Variants in TPH2 observed in about 807,000 individuals in gnomAD.
TPH2 encodes the protein tryptophan 5-hydroxylase 2.
TPH2 carries 27 observed loss-of-function variants against 59.1 expected under a neutral mutation model. The ratio of observed to expected loss-of-function variants is 0.46; its 90% CI spans 0.34 to 0.63. The LOEUF (loss-of-function observed/expected upper bound fraction) is 0.63, where lower values mean the gene tolerates loss of function less well. TPH2 is among the 30% of genes least tolerant of loss of function. The pLI is 0.01. For missense variants in TPH2, 523 were observed against 588.3 expected (o/e 0.89, Z 1.15); for synonymous variants, 220 against 210.5 (o/e 1.05, Z -0.39).
chr12:71,953,927 A>T (rs1271726085), intron 5 of TPH2, among the ~76,000 whole-genome samples: 1 of 152,192 alleles, frequency 6.6e-6, no homozygotes, highest in African/African-American at 2.4e-5. Context: ...AGCAGGATAT[A>T]GTTTGAGTTG....
At chr12:72,006,626 G>A (rs1872960177) in intron 8 of TPH2, among the ~76,000 whole-genome samples, 4 of 152,032 alleles carry the variant, frequency 2.6e-5, no homozygotes, top group Admixed American at 2.6e-4. Flanking sequence ...GAGGAATTCT[G>A]GCTAAATTAA....
chr12:71,948,837 A>G (rs188902881), intron 4 of TPH2, among the ~76,000 whole-genome samples: 1 of 150,028 alleles, frequency 6.7e-6, no homozygotes, highest in East Asian at 1.9e-4. Flanking sequence ...AGGAAAATGG[A>G]AAGTCTGTTG....
At chr12:71,969,079 C>T (rs1183380679) in intron 5 of TPH2, among the ~76,000 whole-genome samples, 7 of 152,146 alleles carry the variant, frequency 4.6e-5, no homozygotes, top group African/African-American at 7.2e-5. Flanking sequence ...GTCAGGAGAT[C>T]GAGATCATCT....
chr12:71,947,003 G>A (rs1871212893), intron 4 of TPH2, among the ~76,000 whole-genome samples: 1 of 152,092 alleles, frequency 6.6e-6, no homozygotes, highest in Admixed American at 6.6e-5. Flanking sequence ...TCGAAGTGGG[G>A]GTTCAAGGTT....
chr12:72,011,805 G>A (rs992658666), intron 8 of TPH2, among the ~76,000 whole-genome samples: 16 of 152,148 alleles, frequency 1.1e-4, no homozygotes, highest in Non-Finnish European at 1.8e-4. Context: ...TGCTCCAAAA[G>A]GCCTGTGGTG....
intron 5 of TPH2, chr12:71,964,518 T>C: frequency 3.0e-6 from 3 of 984,358 alleles, no homozygotes; most frequent in Non-Finnish European, 3.6e-6. Flanking sequence ...TGGCAATATT[T>C]TTCCAGTCTC....
At chr12:72,018,919 C>A (rs1274750164) in intron 8 of TPH2, among the ~76,000 whole-genome samples, 2 of 152,146 alleles carry the variant, frequency 1.3e-5, no homozygotes, top group Admixed American at 1.3e-4. Flanking sequence ...TTAAATGTCA[C>A]CATCTAGACT....
intron 9 of TPH2, among the ~76,000 whole-genome samples, chr12:72,025,379 A>G (rs1273244359): frequency 6.6e-6 from 1 of 151,954 alleles, no homozygotes; most frequent in Non-Finnish European, 1.5e-5. Context: ...CTCTTCTTAA[A>G]CAGAACACAT....
intron 9 of TPH2, among the ~76,000 whole-genome samples, chr12:72,023,239 T>C (rs1329006450): frequency 6.6e-6 from 1 of 152,210 alleles, no homozygotes; most frequent in Non-Finnish European, 1.5e-5. Flanking sequence ...GTACTGAAAA[T>C]AATTTAATCT....
chr12:71,968,854 T>C (rs891547352), intron 5 of TPH2, among the ~76,000 whole-genome samples: 2 of 152,226 alleles, frequency 1.3e-5, no homozygotes, highest in Non-Finnish European at 2.9e-5. Flanking sequence ...AAGGAGATGG[T>C]TGGCTTCAGC....
At chr12:72,030,075 G>T (rs1249159517) in intron 9 of TPH2, among the ~76,000 whole-genome samples, 1 of 152,128 alleles carries the variant, frequency 6.6e-6, no homozygotes, top group African/African-American at 2.4e-5. Flanking sequence ...TGGAGGCACA[G>T]GGAGGTTGAA....
Position 71,944,619 on chromosome 12 carries a change from T to C in TPH2, c.473T>C (p.Ile158Thr). Reference sequence around the variant, plus strand: ...GATGTGCCCTGGTTCCCTCGGAAGATCTCTGAGTTAGACAAATGCTCTCAC... The same window carrying C: ...GATGTGCCCTGGTTCCCTCGGAAGACCTCTGAGTTAGACAAATGCTCTCAC... ...LEDVPWFPRK[I>T]SELDKCSHRV... Residue 158 changes from isoleucine to threonine, a missense_variant, in exon 4 of 11, where the codon ATC (isoleucine) becomes ACC (threonine). By Grantham distance (89) the Ile-to-Thr change is moderately conservative. Coordinates refer to ENST00000333850, the MANE Select transcript of TPH2 (RefSeq NM_173353.4). The C allele has an allele frequency of 6.2e-7, 1 of 1,613,928 alleles. No homozygotes were observed. The highest frequency in any genetic ancestry group is 1.1e-5 in the South Asian group (1 of 91,088).
intron 8 of TPH2, among the ~76,000 whole-genome samples, chr12:72,012,872 G>A (rs767687795): frequency 3.9e-5 from 6 of 152,110 alleles, no homozygotes; most frequent in Admixed American, 2.0e-4. Context: ...AAGTCAGGTG[G>A]CCTTCTTTGC....
intron 5 of TPH2, chr12:71,964,410 G>T (rs1448636804): frequency 2.6e-6 from 2 of 765,526 alleles, no homozygotes; most frequent in East Asian, 1.3e-4. Context: ...AGTCTCTCTA[G>T]TAGCTGGAAT....
At chr12:71,962,707 A>G (rs1309186802) in intron 5 of TPH2, 1 of 971,516 alleles carries the variant, frequency 1.0e-6, no homozygotes, top group East Asian at 1.1e-4. Flanking sequence ...TCACTTAACA[A>G]ATATTATTTT....
At chr12:72,003,016 A>G (rs1872865750) in intron 8 of TPH2, among the ~76,000 whole-genome samples, 1 of 152,182 alleles carries the variant, frequency 6.6e-6, no homozygotes, top group South Asian at 2.1e-4. Context: ...TGTAATTATA[A>G]AGGTAACCTT....
At position 71,944,339 on chromosome 12, in the gene TPH2, C is replaced by A; in HGVS notation, c.301C>A (p.Arg101=). 6.2e-7 allele frequency: 1 copy of A among 1,613,684 alleles called. No homozygotes were observed. Among genetic ancestry groups the A allele is most frequent in the Non-Finnish European group, 8.5e-7 (1 of 1,179,766 alleles). ...TCATATTGAATCCAGGAAATCTCGGCGAAGAAGTTCTGAGGTTGAAATCTT... is the reference window on the plus strand; with the variant it reads ...TCATATTGAATCCAGGAAATCTCGGAGAAGAAGTTCTGAGGTTGAAATCTT... The part of the protein sequence containing the change: ...MVHIESRKSR[R]RSSEVEIFVD... Residue 101 remains arginine (R), a synonymous_variant, in exon 3 of 11, where the codon CGA becomes AGA. Coordinates refer to ENST00000333850, the MANE Select transcript of TPH2 (RefSeq NM_173353.4).
chr12:71,966,815 G>A (rs1407850355), intron 5 of TPH2, among the ~76,000 whole-genome samples: 2 of 152,100 alleles, frequency 1.3e-5, no homozygotes, highest in African/African-American at 4.8e-5. Flanking sequence ...CAATGAATAA[G>A]TGAATTGCTT....
At chr12:72,002,061 A>T (rs1592406580) in intron 8 of TPH2, among the ~76,000 whole-genome samples, 1 of 152,194 alleles carries the variant, frequency 6.6e-6, no homozygotes, top group African/African-American at 2.4e-5. Flanking sequence ...CAAAAGTCTC[A>T]CCATAAAAAT....
Sources: allele counts gnomAD v4.1 joint callset (sites outside exome capture counted in the v4.1 genomes callset), GRCh38; gene constraint gnomAD v4.1.1; transcripts MANE v1.5; gene names NCBI Gene and HGNC (gene_info 2026-07-23, HGNC 2026-07-21).